The following CORIN variants were observed in gnomAD, a reference collection of about 807,000 sequenced individuals.
CORIN encodes atrial natriuretic peptide-converting enzyme.
CORIN carries 117 observed loss-of-function variants against 125.3 expected under a neutral mutation model. The ratio of observed to expected loss-of-function variants is 0.93; its 90% CI spans 0.80 to 1.09. The LOEUF is 1.09. Among genes scored for constraint, CORIN ranks in the 50% least tolerant of loss-of-function variants. The probability of loss-of-function intolerance (pLI) is 0.00; values close to 1 mark genes in which losing one functional copy is unlikely to be tolerated. For missense variants in CORIN, 1,253 were observed against 1,306.7 expected (o/e 0.96, Z 0.63); for synonymous variants, 450 against 466.4 (o/e 0.96, Z 0.45).
At position 47,594,192 on chromosome 4, in the gene CORIN, C is replaced by G. The variant is rs1026301424; in HGVS notation, c.*1529G>C. 1.3e-5 allele frequency: 2 copies of G among 152,306 alleles called. No homozygotes were observed. The highest frequency in any genetic ancestry group is 4.8e-5 in the African/African-American group (2 of 41,350). 9.4% of individuals were successfully genotyped at this position (152,306 alleles called of 1,614,324 possible). A position where few individuals can be genotyped will look rare whatever the true frequency, so the allele number is the denominator to read the frequency against. ...CAATTCAGTTGCTGGATTTCACACTCTCCTTAGGTTTATACAAACTGAAGG... is the reference window on the plus strand; with the variant it reads ...CAATTCAGTTGCTGGATTTCACACTGTCCTTAGGTTTATACAAACTGAAGG... On this transcript the variant is annotated 3_prime_UTR_variant, in exon 22 of 22. Coordinates refer to ENST00000273857, the MANE Select transcript of CORIN (RefSeq NM_006587.4).
At chr4:47,683,650 A>T (rs968895078) in intron 7 of CORIN, 81 bp downstream of exon 7, 12 of 970,442 alleles carry the variant, frequency 1.2e-5, no homozygotes, top group Non-Finnish European at 1.7e-5. Flanking sequence ...TAATCATATT[A>T]ACACATAATG....
rs577514241 is a variant in CORIN, at chr4:47,769,502, T to C, written c.410-5916A>G. Reference sequence around the variant, plus strand: ...AATCCCTATTATAATTCTAATAACATTTTTCAAAGAAATACAAAAAATCCT... The same window carrying C: ...AATCCCTATTATAATTCTAATAACACTTTTCAAAGAAATACAAAAAATCCT... On this transcript the variant is annotated intron_variant, in intron 3 of 21. Coordinates refer to ENST00000273857, the MANE Select transcript of CORIN (RefSeq NM_006587.4). 2.1e-3 allele frequency among the ~76,000 whole-genome samples: 325 copies of C among 152,024 alleles called. 1 individual carries two copies. Among genetic ancestry groups the C allele is most frequent in the African/African-American group, 7.4e-3 (306 of 41,500 alleles).
chr4:47,763,292 AG>A, intron 4 of CORIN, 86 bp downstream of exon 4: 1 of 988,028 alleles, frequency 1.0e-6, no homozygotes, highest in African/African-American at 1.6e-5. Context: ...CCAAAATAAA[AG>A]GGAGTCATTT....
At chr4:47,682,712 C>T (rs1471604708) in intron 7 of CORIN, 1 of 152,032 alleles carries the variant, frequency 6.6e-6, no homozygotes, top group Non-Finnish European at 1.5e-5. Context: ...AAATATCATG[C>T]TGTATTCAAT....
At chr4:47,707,515 G>A in intron 5 of CORIN, among the ~76,000 whole-genome samples, 1 of 152,120 alleles carries the variant, frequency 6.6e-6, no homozygotes, top group Non-Finnish European at 1.5e-5. Flanking sequence ...CAATTCCTAA[G>A]GACTCCTCTA....
At chr4:47,706,834 A>G (rs1391034586) in intron 5 of CORIN, 5 of 1,598,324 alleles carry the variant, frequency 3.1e-6, no homozygotes, top group African/African-American at 2.7e-5. Context: ...TCACCAAACC[A>G]GTCCACAAGC....
Position 47,786,833 on chromosome 4 carries a change from T to C in CORIN, c.301A>G (p.Thr101Ala), listed in dbSNP as rs1010155820. Residue 101 changes from threonine to alanine, a missense_variant, in exon 3 of 22, where the codon ACA becomes GCA. Coordinates refer to ENST00000273857, the MANE Select transcript of CORIN (RefSeq NM_006587.4). ...IQGSDVILTN[T>A]IYNQSTVVST... The stretch of plus-strand genomic sequence containing the variant: ...ACCACAGTGCTCTGGTTATAAATTG[T>C]ATTTGTAAGAATAACATCGGACCCT... 2 of 1,613,452 alleles carry C rather than the reference T, an allele frequency of 1.2e-6. No homozygotes were observed. Among genetic ancestry groups the C allele is most frequent in the Non-Finnish European group, 8.5e-7 (1 of 1,179,478 alleles).
At chr4:47,799,836 G>T (rs961168435) in intron 2 of CORIN, among the ~76,000 whole-genome samples, 2 of 152,054 alleles carry the variant, frequency 1.3e-5, no homozygotes, top group African/African-American at 4.8e-5. Flanking sequence ...ATAGCCAAAA[G>T]GTGGAAATAA....
intron 3 of CORIN, among the ~76,000 whole-genome samples, chr4:47,769,911 TAGA>T (rs1376047784): frequency 6.6e-6 from 1 of 152,112 alleles, no homozygotes; most frequent in Non-Finnish European, 1.5e-5. Flanking sequence ...ATAACACTAC[TAGA>T]AGAATACATA....
intron 4 of CORIN, among the ~76,000 whole-genome samples, chr4:47,762,927 C>CAACTCTCTCT (rs1729534665): frequency 6.6e-6 from 1 of 152,116 alleles, no homozygotes; most frequent in Non-Finnish European, 1.5e-5. Context: ...CCCATAGATA[C>CAACTCTCTCT]AACTCTCTCT....
At chr4:47,698,778 C>G (rs1411907970) in intron 5 of CORIN, among the ~76,000 whole-genome samples, 1 of 152,154 alleles carries the variant, frequency 6.6e-6, no homozygotes, top group Non-Finnish European at 1.5e-5. Context: ...CAACATTTTT[C>G]TTAACAATGG....
chr4:47,615,434 C>T (rs781257791), intron 19 of CORIN, among the ~76,000 whole-genome samples: 1 of 151,944 alleles, frequency 6.6e-6, no homozygotes, highest in Non-Finnish European at 1.5e-5. Context: ...TGGTCGTGTC[C>T]CTCTAAAATC....
chr4:47,821,975 C>T (rs918643802), intron 1 of CORIN, among the ~76,000 whole-genome samples: 1 of 151,946 alleles, frequency 6.6e-6, no homozygotes, highest in African/African-American at 2.4e-5. Flanking sequence ...ATAAATAATC[C>T]TATTTTCAAT....
chr4:47,801,989 G>A (rs890733309), intron 2 of CORIN, among the ~76,000 whole-genome samples: 12 of 152,156 alleles, frequency 7.9e-5, no homozygotes, highest in African/African-American at 2.7e-4. Flanking sequence ...TGGAGAAATC[G>A]GTGTGCTTGG....
chr4:47,676,814 CAGAA>C (rs1725039640), intron 9 of CORIN, among the ~76,000 whole-genome samples: 1 of 152,082 alleles, frequency 6.6e-6, no homozygotes, highest in African/African-American at 2.4e-5. Flanking sequence ...TTGAATTATA[CAGAA>C]AGAAAGAATA....
chr4:47,784,194 T>TTC (rs1054966250), intron 3 of CORIN, among the ~76,000 whole-genome samples: 1 of 152,166 alleles, frequency 6.6e-6, no homozygotes, highest in Non-Finnish European at 1.5e-5. Context: ...ACTCTAAAAG[T>TTC]TCTATAATCA....
chr4:47,690,463 T>C (rs1173634092), intron 6 of CORIN, among the ~76,000 whole-genome samples: 1 of 152,156 alleles, frequency 6.6e-6, no homozygotes, highest in Non-Finnish European at 1.5e-5. Flanking sequence ...ATAAGTCCCT[T>C]TTCTCCCTTC....
At chr4:47,821,145 G>T (rs961622027) in intron 1 of CORIN, among the ~76,000 whole-genome samples, 1 of 151,864 alleles carries the variant, frequency 6.6e-6, no homozygotes, top group Middle Eastern at 3.2e-3. Context: ...TGAGGCAGAA[G>T]AATCGCTTGA....
chr4:47,835,494 T>C (rs1358671531), intron 1 of CORIN, among the ~76,000 whole-genome samples: 1 of 151,984 alleles, frequency 6.6e-6, no homozygotes, highest in Non-Finnish European at 1.5e-5. Flanking sequence ...AGGCTACAAG[T>C]GCGGAAAAGA....
Sources: allele counts gnomAD v4.1 joint callset (sites outside exome capture counted in the v4.1 genomes callset), GRCh38; gene constraint gnomAD v4.1.1; transcripts MANE v1.5; gene names NCBI Gene and HGNC (gene_info 2026-07-23, HGNC 2026-07-21).